Variants in CFAP54 observed in about 807,000 individuals in gnomAD.
The protein encoded by CFAP54 is cilia and flagella associated protein 54.
Under a neutral mutation model 370.4 loss-of-function variants are expected in CFAP54, and 290 were observed. That is an observed-to-expected ratio of 0.78 (90% CI 0.71 to 0.86). The LOEUF is 0.86. CFAP54 is among the 40% of genes least tolerant of loss of function. The probability of loss-of-function intolerance (pLI) is 0.00; values close to 1 mark genes in which losing one functional copy is unlikely to be tolerated. For synonymous variants in CFAP54, 1,206 were observed against 1,236.5 expected, an observed-to-expected ratio of 0.98 and a Z score of 0.52; for missense variants, 3,399 against 3,528.7, an observed-to-expected ratio of 0.96 and a Z score of 0.93.
intron 50 of CFAP54, among the ~76,000 whole-genome samples, chr12:96,726,002 A>G (rs1380566329): frequency 2.0e-5 from 3 of 146,678 alleles, no homozygotes; most frequent in Admixed American, 6.9e-5. Flanking sequence ...ATATTGAACC[A>G]GCCTTGCATC....
At chr12:96,615,521 T>G (rs1449486167) in intron 26 of CFAP54, among the ~76,000 whole-genome samples, 1 of 152,122 alleles carries the variant, frequency 6.6e-6, no homozygotes, top group Non-Finnish European at 1.5e-5. Context: ...TGGGATCTAA[T>G]TAAACTAAAG....
intron 36 of CFAP54, among the ~76,000 whole-genome samples, chr12:96,654,442 AGTGAGCCGAGATCCC>A (rs763826576): frequency 2.7e-5 from 4 of 150,226 alleles, no homozygotes; most frequent in Non-Finnish European, 4.4e-5. Flanking sequence ...CGGAGCTTGC[AGTGAGCCGAGATCCC>A]GCCGCTGCAC....
chr12:96,861,307 A>G (rs1959874303), intron 67 of CFAP54, among the ~76,000 whole-genome samples: 1 of 152,190 alleles, frequency 6.6e-6, no homozygotes, highest in South Asian at 2.1e-4. Flanking sequence ...GACATTTGAC[A>G]GTGTCTGGAG....
chr12:96,659,942 T>G (rs1956973527), intron 38 of CFAP54, among the ~76,000 whole-genome samples: 1 of 152,216 alleles, frequency 6.6e-6, no homozygotes, highest in South Asian at 2.1e-4. Flanking sequence ...AGAATACAGT[T>G]CTGAGTTCCT....
chr12:96,795,377 G>A (rs1395159470), intron 63 of CFAP54, among the ~76,000 whole-genome samples: 1 of 152,108 alleles, frequency 6.6e-6, no homozygotes. Context: ...TTGGCTACCA[G>A]AGTGGTATAG....
At chr12:96,770,764 CA>C (rs1958452776) in intron 60 of CFAP54, among the ~76,000 whole-genome samples, 1 of 152,216 alleles carries the variant, frequency 6.6e-6, no homozygotes, top group Non-Finnish European at 1.5e-5. Flanking sequence ...TGTCATTATG[CA>C]CATTTATAAA....
At chr12:96,526,071 A>G (rs1311559332) in intron 8 of CFAP54, among the ~76,000 whole-genome samples, 1 of 152,222 alleles carries the variant, frequency 6.6e-6, no homozygotes, top group Non-Finnish European at 1.5e-5. Context: ...CTTGCGGGAA[A>G]GTAGTTCAAG....
chr12:96,787,729 A>C (rs1254447436), intron 62 of CFAP54, among the ~76,000 whole-genome samples: 1 of 152,234 alleles, frequency 6.6e-6, no homozygotes, highest in Non-Finnish European at 1.5e-5. Flanking sequence ...TCAGTGTGGT[A>C]GTAGAGAAAC....
intron 66 of CFAP54, among the ~76,000 whole-genome samples, chr12:96,854,458 G>A (rs530467612): frequency 6.6e-6 from 1 of 152,144 alleles, no homozygotes; most frequent in Admixed American, 6.5e-5. Flanking sequence ...AGTAATTCTG[G>A]CAATAAATGT....
intron 62 of CFAP54, among the ~76,000 whole-genome samples, chr12:96,790,679 G>T (rs1165185443): frequency 2.0e-5 from 3 of 151,296 alleles, no homozygotes; most frequent in African/African-American, 4.9e-5. Flanking sequence ...ATTTTTTTTT[G>T]ATGAACTGCC....
intron 12 of CFAP54, among the ~76,000 whole-genome samples, chr12:96,538,177 G>A (rs1400922160): frequency 6.6e-6 from 1 of 152,016 alleles, no homozygotes; most frequent in Non-Finnish European, 1.5e-5. Flanking sequence ...ATTTCATGTT[G>A]GGAAAAATCA....
chr12:96,741,930 C>T (rs145316288), intron 51 of CFAP54, among the ~76,000 whole-genome samples: 2 of 152,274 alleles, frequency 1.3e-5, no homozygotes, highest in East Asian at 3.9e-4. Flanking sequence ...GATAGTTAAC[C>T]TTCCTAGGTC....
chr12:96,535,602 T>C lies in CFAP54; in HGVS notation c.1791+2T>C. The C allele has an allele frequency of 1.3e-6, 2 of 1,526,240 alleles. No homozygotes were observed. The highest frequency in any genetic ancestry group is 1.8e-6 in the Non-Finnish European group (2 of 1,139,588). The allele number at this position is 1,526,240 out of a possible 1,614,324, so 94.5% of individuals were successfully genotyped here. ...GTCTGTGTCTGCACTGCTCCCCAGG[T>C]GAAATAGCTATTTTAAATAATTTTT... is the stretch of plus-strand genomic sequence containing the variant. On this transcript the variant is annotated splice_donor_variant, in intron 12 of 67. Coordinates refer to ENST00000524981, the MANE Select transcript of CFAP54 (RefSeq NM_001306084.2). LOFTEE classifies it high-confidence loss of function.
chr12:96,644,146 T>G, intron 32 of CFAP54, 32 bp from the exon 33 acceptor site: 1 of 1,372,958 alleles, frequency 7.3e-7, no homozygotes, highest in Non-Finnish European at 9.9e-7. Flanking sequence ...AAAGTTCTTG[T>G]GTAATTTCAA....
chr12:96,723,499 T>C (rs559282523), intron 50 of CFAP54, among the ~76,000 whole-genome samples: 39 of 152,022 alleles, frequency 2.6e-4, no homozygotes, highest in South Asian at 8.3e-4. Flanking sequence ...TTCTGATAGA[T>C]TGAGTAAGGT....
chr12:96,762,784 T>G (rs2136668660), intron 58 of CFAP54, among the ~76,000 whole-genome samples: 1 of 152,204 alleles, frequency 6.6e-6, no homozygotes, highest in Admixed American at 6.5e-5. Context: ...TTTTTTTTCT[T>G]TTTTTTATCT....
chr12:96,811,659 G>A (rs988018236), intron 63 of CFAP54, 77 bp from the exon 64 acceptor site: 6 of 738,428 alleles, frequency 8.1e-6, no homozygotes, highest in African/African-American at 5.6e-5. Context: ...ATATTATTTT[G>A]TGAACTAATG....
chr12:96,543,470 T>G (rs1390504700), intron 14 of CFAP54, among the ~76,000 whole-genome samples: 3 of 152,220 alleles, frequency 2.0e-5, no homozygotes, highest in African/African-American at 7.2e-5. Context: ...GCTAGGAGAC[T>G]GGGGGTAAGA....
At chr12:96,665,231 C>A (rs561544562) in intron 39 of CFAP54, among the ~76,000 whole-genome samples, 1 of 151,658 alleles carries the variant, frequency 6.6e-6, no homozygotes, top group Non-Finnish European at 1.5e-5. Context: ...TTGTTGGATG[C>A]ATAGTTTGGA....
Sources: allele counts gnomAD v4.1 joint callset (sites outside exome capture counted in the v4.1 genomes callset), GRCh38; gene constraint gnomAD v4.1.1; transcripts MANE v1.5; gene names NCBI Gene and HGNC (gene_info 2026-07-23, HGNC 2026-07-21).